Variants in GRIK1 observed in about 807,000 individuals in gnomAD.
GRIK1 encodes glutamate receptor ionotropic, kainate 1.
In GRIK1, 69 loss-of-function variants were observed where a neutral mutation model predicts 105.7. The ratio of observed to expected loss-of-function variants is 0.65; its 90% CI spans 0.54 to 0.80. The LOEUF is 0.80. GRIK1 is among the 30% of genes least tolerant of loss of function. GRIK1 has a pLI of 0.00. For synonymous variants in GRIK1, 438 were observed against 431.3 expected (o/e 1.02, Z -0.19); for missense variants, 1,109 against 1,167.3 (o/e 0.95, Z 0.73).
intron 1 of GRIK1, among the ~76,000 whole-genome samples, chr21:29,790,947 A>G (rs71321310): frequency 0.042 from 6,430 of 152,328 alleles, 190 homozygotes; most frequent in South Asian, 0.08. Context: ...GGAAAAAAGT[A>G]AACAGGGTAA....
At chr21:29,902,738 A>T (rs1195950081) in intron 1 of GRIK1, among the ~76,000 whole-genome samples, 1 of 152,202 alleles carries the variant, frequency 6.6e-6, no homozygotes, top group East Asian at 1.9e-4. Context: ...TTATAGACTC[A>T]ATGCTATCCC....
intron 1 of GRIK1, among the ~76,000 whole-genome samples, chr21:29,932,465 T>A (rs2071601334): frequency 6.6e-6 from 1 of 152,156 alleles, no homozygotes. Flanking sequence ...AAGAGTTTAA[T>A]GTTTTCAGTA....
At chr21:29,939,230 C>A (rs1213798354) in intron 1 of GRIK1, among the ~76,000 whole-genome samples, 153 bp downstream of exon 1, 1 of 152,178 alleles carries the variant, frequency 6.6e-6, no homozygotes, top group Admixed American at 6.5e-5. Flanking sequence ...GCGGCTCCCC[C>A]TTTTTTGTGT....
At chr21:29,733,372 A>G (rs759163347) in intron 1 of GRIK1, among the ~76,000 whole-genome samples, 1 of 152,156 alleles carries the variant, frequency 6.6e-6, no homozygotes, top group Non-Finnish European at 1.5e-5. Flanking sequence ...CTATATAGCC[A>G]ATTGAGTCTT....
intron 1 of GRIK1, among the ~76,000 whole-genome samples, chr21:29,847,446 T>G (rs1430545029): frequency 6.6e-6 from 1 of 152,072 alleles, no homozygotes; most frequent in Non-Finnish European, 1.5e-5. Flanking sequence ...AATACAAAAA[T>G]TAGCTGGGCG....
At chr21:29,560,053 T>C (rs1199570160) in intron 15 of GRIK1, among the ~76,000 whole-genome samples, 1 of 152,170 alleles carries the variant, frequency 6.6e-6, no homozygotes, top group Non-Finnish European at 1.5e-5. Context: ...TGGAGAGTCA[T>C]ATTGGATCAT....
chr21:29,893,008 C>A (rs1230779897), intron 1 of GRIK1, among the ~76,000 whole-genome samples: 2 of 152,154 alleles, frequency 1.3e-5, no homozygotes, highest in Non-Finnish European at 2.9e-5. Flanking sequence ...AACCCCACCT[C>A]AACTGAAGAT....
intron 3 of GRIK1, among the ~76,000 whole-genome samples, chr21:29,678,588 G>T (rs1393281127): frequency 6.6e-6 from 1 of 152,146 alleles, no homozygotes; most frequent in Non-Finnish European, 1.5e-5. Context: ...TTTAAGTAAG[G>T]TTCTGGTCAA....
intron 1 of GRIK1, among the ~76,000 whole-genome samples, chr21:29,922,545 GA>G (rs1288214584): frequency 1.3e-5 from 2 of 152,046 alleles, no homozygotes; most frequent in African/African-American, 2.4e-5. Context: ...ATCTCAGAAA[GA>G]AGCAATCTTA....
At chr21:29,779,838 C>T (rs534696790) in intron 1 of GRIK1, among the ~76,000 whole-genome samples, 1 of 152,194 alleles carries the variant, frequency 6.6e-6, no homozygotes, top group East Asian at 1.9e-4. Context: ...AGGTATCTAG[C>T]TGACAAAATG....
chr21:29,566,549 GA>G (rs2090614737), intron 14 of GRIK1, among the ~76,000 whole-genome samples: 1 of 152,084 alleles, frequency 6.6e-6, no homozygotes, highest in Non-Finnish European at 1.5e-5. Context: ...AATGTTTGAT[GA>G]ACATTATTTA....
chr21:29,781,010 C>G, intron 1 of GRIK1, among the ~76,000 whole-genome samples: 1 of 152,174 alleles, frequency 6.6e-6, no homozygotes, highest in Non-Finnish European at 1.5e-5. Flanking sequence ...AATAGCCAAG[C>G]AATACAAAAG....
At chr21:29,572,087 C>T (rs1340884446) in intron 14 of GRIK1, among the ~76,000 whole-genome samples, 1 of 152,102 alleles carries the variant, frequency 6.6e-6, no homozygotes, top group Non-Finnish European at 1.5e-5. Flanking sequence ...TCATGTGGAG[C>T]CAGGTCAGGA....
rs190128614 is a variant in GRIK1, at chr21:29,608,902, C to T, written c.1099-9965G>A. ...GATTTTCAGGACTCTTTTTAATAGT[C>T]CAGGAGCAGAAGACCTTTGAAAACC... On this transcript the variant is annotated intron_variant, in intron 7 of 17. Transcript: ENST00000327783. Among the ~76,000 whole-genome samples, 4 of 152,046 alleles carry T rather than the reference C, an allele frequency of 2.6e-5. No homozygotes were observed. The East Asian group carries it at 5.8e-4, about 22-fold the overall frequency.
At chr21:29,830,355 ACACACAC>A (rs2067596998) in intron 1 of GRIK1, among the ~76,000 whole-genome samples, 1 of 136,680 alleles carries the variant, frequency 7.3e-6, no homozygotes, top group African/African-American at 3.1e-5. Flanking sequence ...ACACACACAC[ACACACAC>A]TCACACACAT....
chr21:29,656,279 G>A (rs2062846078), intron 4 of GRIK1, among the ~76,000 whole-genome samples: 2 of 143,738 alleles, frequency 1.4e-5, no homozygotes, highest in Admixed American at 1.5e-4. Context: ...GGAGAACGGC[G>A]TGAACCCGGG....
At chr21:29,878,355 G>C (rs1351860451) in intron 1 of GRIK1, among the ~76,000 whole-genome samples, 1 of 152,126 alleles carries the variant, frequency 6.6e-6, no homozygotes, top group African/African-American at 2.4e-5. Flanking sequence ...AGGAGATGGA[G>C]ACAAGAATGT....
At position 29,537,194 on chromosome 21, in the gene GRIK1, A is replaced by T; in HGVS notation, c.*36T>A. The T allele has an allele frequency of 1.3e-6, 2 of 1,492,408 alleles. No individual in the cohort carries two copies. Among genetic ancestry groups the T allele is most frequent in the Non-Finnish European group, 1.8e-6 (2 of 1,106,344 alleles). The allele number at this position is 1,492,408 out of a possible 1,614,324, so 92.4% of individuals were successfully genotyped here. The stretch of plus-strand genomic sequence containing the variant: ...TCCTTTCTCCAAAAATCTGTAGGGA[A>T]TGCATCCTTTTTCTTCCTACAGGCG... On this transcript the variant is annotated 3_prime_UTR_variant, in exon 18 of 18. Coordinates refer to ENST00000327783, the MANE Select transcript of GRIK1 (RefSeq NM_001330994.2).
rs56726225 is a variant in GRIK1, at chr21:29,928,491, G to A, written c.118+10892C>T. On this transcript the variant is annotated intron_variant, in intron 1 of 17. Transcript: ENST00000327783. The stretch of plus-strand genomic sequence containing the variant: ...GGGTCTCTGGGAGTGGAGGACCATA[G>A]TGTACAATTGGCCATTCAAAGTGCC... Among the ~76,000 whole-genome samples, 1,103 of 152,292 alleles carry A rather than the reference G, an allele frequency of 7.2e-3. 9 individuals are homozygous for A. Among genetic ancestry groups the A allele is most frequent in the African/African-American group, 0.025 (1,056 of 41,560 alleles).
Sources: gnomAD v4.1 joint callset for allele counts (sites outside exome capture counted in the v4.1 genomes callset) on GRCh38, gnomAD v4.1.1 for gene constraint, MANE v1.5 for transcripts, NCBI Gene and HGNC (gene_info 2026-07-23, HGNC 2026-07-21) for gene names.